Variants in SNX29 observed in about 807,000 individuals in gnomAD.
SNX29 encodes the protein sorting nexin-29.
SNX29 carries 78 observed loss-of-function variants against 102.1 expected under a neutral mutation model. The observed-to-expected ratio is 0.76, with a 90% CI of 0.64 to 0.92. SNX29 has a LOEUF of 0.92. SNX29 is among the 40% of genes least tolerant of loss of function. The pLI is 0.00. For missense variants in SNX29, 1,280 were observed against 1,061.7 expected, an observed-to-expected ratio of 1.21 and a Z score of -2.86; for synonymous variants, 580 against 414.5, an observed-to-expected ratio of 1.40 and a Z score of -4.85.
chr16:12,142,940 A>G (rs1367385221), intron 13 of SNX29, among the ~76,000 whole-genome samples: 1 of 152,036 alleles, frequency 6.6e-6, no homozygotes. Flanking sequence ...GAAACACAAT[A>G]CAGCTGATTC....
intron 11 of SNX29, among the ~76,000 whole-genome samples, chr16:12,110,195 ACT>A (rs762694264): frequency 2.3e-4 from 35 of 151,458 alleles, no homozygotes; most frequent in Non-Finnish European, 4.0e-4. Flanking sequence ...CTCTCAGATG[ACT>A]CTCTTCCTGC....
chr16:12,175,055 A>G (rs1371332326), intron 13 of SNX29, among the ~76,000 whole-genome samples: 1 of 152,190 alleles, frequency 6.6e-6, no homozygotes, highest in East Asian at 1.9e-4. Context: ...GGTGGCTTCT[A>G]AAGGGAGATT....
intron 14 of SNX29, among the ~76,000 whole-genome samples, chr16:12,206,816 T>TTTTTG (rs1567311492): frequency 6.8e-6 from 1 of 147,522 alleles, no homozygotes; most frequent in Non-Finnish European, 1.5e-5. Context: ...ATGAGGTGGT[T>TTTTTG]TTTTTTTTTT....
At chr16:12,257,894 G>A (rs780161232) in intron 14 of SNX29, among the ~76,000 whole-genome samples, 9 of 152,114 alleles carry the variant, frequency 5.9e-5, no homozygotes, top group South Asian at 2.1e-4. Flanking sequence ...GTGTTTTTCC[G>A]CAGACTTTGT....
At chr16:12,014,269 G>A (rs7192842) in intron 3 of SNX29, among the ~76,000 whole-genome samples, 151,634 of 152,116 alleles carry the variant, frequency 1, 75,576 homozygotes, top group Middle Eastern at 1. Context: ...CTCTTTTTCC[G>A]TTTTGATTTA....
intron 11 of SNX29, among the ~76,000 whole-genome samples, chr16:12,125,994 G>A (rs1484976979): frequency 6.6e-6 from 1 of 152,082 alleles, no homozygotes; most frequent in Non-Finnish European, 1.5e-5. Context: ...CCATATTGCC[G>A]GTGGTGATCT....
chr16:12,093,121 T>A (rs1303311647), intron 11 of SNX29, among the ~76,000 whole-genome samples: 1 of 152,218 alleles, frequency 6.6e-6, no homozygotes, highest in African/African-American at 2.4e-5. Flanking sequence ...CAGGTTTTAA[T>A]TCTGAGTGGC....
chr16:12,164,646 G>T (rs2055932612), intron 13 of SNX29, among the ~76,000 whole-genome samples: 1 of 150,446 alleles, frequency 6.6e-6, no homozygotes, highest in Non-Finnish European at 1.5e-5. Context: ...CTTACTTTGG[G>T]CAGCAGAATT....
chr16:12,282,265 A>T (rs77047727), intron 15 of SNX29, among the ~76,000 whole-genome samples: 1 of 152,044 alleles, frequency 6.6e-6, no homozygotes, highest in Admixed American at 6.6e-5. Context: ...GCAGGACACA[A>T]GGGGGAAAAC....
At chr16:12,154,553 G>A (rs574446747) in intron 13 of SNX29, among the ~76,000 whole-genome samples, 131 of 152,236 alleles carry the variant, frequency 8.6e-4, no homozygotes, top group Admixed American at 3.9e-3. Context: ...CATTTCCCCC[G>A]TCTCCAACTC....
At chr16:12,247,427 C>T (rs1048742350) in intron 14 of SNX29, among the ~76,000 whole-genome samples, 4 of 152,142 alleles carry the variant, frequency 2.6e-5, no homozygotes, top group African/African-American at 9.7e-5. Flanking sequence ...GTTTTTCCCT[C>T]AAAATCATTC....
In SNX29 at chr16:12,292,998, A is replaced by G. The variant is rs909977857; in HGVS notation, c.1782+14962A>G. On this transcript the variant is annotated intron_variant, in intron 15 of 20. Coordinates refer to ENST00000566228, the MANE Select transcript of SNX29 (RefSeq NM_032167.5). ...GTAGTTCACTCTTATTAATGAATGAATAATGAATAGACAAATTATTTAAAT... is the reference window on the plus strand; with the variant it reads ...GTAGTTCACTCTTATTAATGAATGAGTAATGAATAGACAAATTATTTAAAT... 2.0e-5 allele frequency among the ~76,000 whole-genome samples: 3 copies of G among 152,260 alleles called. 1 individual carries two copies. The highest frequency in any genetic ancestry group is 4.8e-5 in the African/African-American group (2 of 41,470).
intron 4 of SNX29, among the ~76,000 whole-genome samples, chr16:12,031,884 G>C (rs1480733083): frequency 2.0e-5 from 3 of 152,084 alleles, no homozygotes. Flanking sequence ...GCCATTTGAA[G>C]TGTACAATTC....
intron 15 of SNX29, among the ~76,000 whole-genome samples, chr16:12,355,871 AAAAAAG>A (rs1567471863): frequency 8.3e-5 from 11 of 133,176 alleles, no homozygotes; most frequent in East Asian, 2.1e-4. Flanking sequence ...AAAAAAAAAA[AAAAAAG>A]AGAGAGGAAA....
intron 15 of SNX29, among the ~76,000 whole-genome samples, chr16:12,332,675 C>A (rs993818673): frequency 6.6e-6 from 1 of 152,100 alleles, no homozygotes; most frequent in East Asian, 1.9e-4. Flanking sequence ...CACCTGCATC[C>A]CAGCCCCTGG....
chr16:12,049,375 C>T (rs1325350369), intron 7 of SNX29, among the ~76,000 whole-genome samples: 4 of 151,774 alleles, frequency 2.6e-5, no homozygotes, highest in African/African-American at 9.7e-5. Flanking sequence ...CTCTATTGCC[C>T]GGGTTGGAGT....
chr16:12,545,623 C>G (rs961831558), intron 20 of SNX29: 3 of 152,108 alleles, frequency 2.0e-5, no homozygotes, highest in Admixed American at 1.3e-4. Flanking sequence ...AAGGGTCTGG[C>G]TCTTTTCTTC....
In SNX29 at chr16:12,568,820, G is replaced by A. The variant is rs974736473; in HGVS notation, c.*191G>A. 40 of 887,950 alleles carry A rather than the reference G, an allele frequency of 4.5e-5. No homozygotes were observed. The highest frequency in any genetic ancestry group is 2.2e-4 in the East Asian group (8 of 36,688). The allele number at this position is 887,950 out of a possible 1,614,324, so 55.0% of individuals were successfully genotyped here. On this transcript the variant is annotated 3_prime_UTR_variant, in exon 21 of 21. Coordinates refer to ENST00000566228, the MANE Select transcript of SNX29 (RefSeq NM_032167.5). Reference sequence around the variant, plus strand: ...TTCGAGCCGCATGATACCGTGACCCGAGAGACCAAGGCAGCACCTCGCTGG... The same window carrying A: ...TTCGAGCCGCATGATACCGTGACCCAAGAGACCAAGGCAGCACCTCGCTGG...
intron 8 of SNX29, among the ~76,000 whole-genome samples, chr16:12,058,504 T>G (rs2050618685): frequency 7.1e-6 from 1 of 140,532 alleles, no homozygotes; most frequent in Admixed American, 7.0e-5. Context: ...GGTTTTTTTT[T>G]TTTTTTTGAG....
Sources: allele counts gnomAD v4.1 joint callset (sites outside exome capture counted in the v4.1 genomes callset), GRCh38; gene constraint gnomAD v4.1.1; transcripts MANE v1.5; gene names NCBI Gene and HGNC (gene_info 2026-07-23, HGNC 2026-07-21).